The following FAM78B variants were observed in gnomAD, a reference collection of about 807,000 sequenced individuals.
FAM78B encodes protein FAM78B.
FAM78B carries 10 observed loss-of-function variants against 20.0 expected under a neutral mutation model. The ratio of observed to expected loss-of-function variants is 0.50; its 90% CI spans 0.31 to 0.85. FAM78B has a LOEUF of 0.85. Ranked by LOEUF, FAM78B falls within the 40% of genes least tolerant of loss-of-function variation. The pLI, the probability that FAM78B is intolerant of heterozygous loss-of-function variation, is 0.05. For synonymous variants in FAM78B, 135 were observed against 132.8 expected (o/e 1.02, Z -0.12); for missense variants, 283 against 345.0 (o/e 0.82, Z 1.42).
chr1:166,139,672 T>C (rs942961795), intron 1 of FAM78B, among the ~76,000 whole-genome samples: 2 of 152,158 alleles, frequency 1.3e-5, no homozygotes, highest in African/African-American at 4.8e-5. Flanking sequence ...GCACCAACTC[T>C]AACACATAGT....
At chr1:166,085,556 T>A (rs1444926316) in intron 1 of FAM78B, among the ~76,000 whole-genome samples, 1 of 152,200 alleles carries the variant, frequency 6.6e-6, no homozygotes, top group Non-Finnish European at 1.5e-5. Flanking sequence ...AATCAGGAGT[T>A]ACTAGATACT....
At chr1:166,056,297 G>A (rs547125915), downstream of FAM78B, among the ~76,000 whole-genome samples, 109 of 138,458 alleles carry the variant, frequency 7.9e-4, no homozygotes, top group Non-Finnish European at 1.4e-3. Flanking sequence ...GAGAGAGAGA[G>A]AGAATATGAA....
intron 1 of FAM78B, among the ~76,000 whole-genome samples, chr1:166,149,662 G>A (rs1228418140): frequency 6.6e-6 from 1 of 152,172 alleles, no homozygotes; most frequent in African/African-American, 2.4e-5. Context: ...TAACATACAT[G>A]GAAGCATTTT....
At chr1:166,103,416 C>T (rs186410674) in intron 1 of FAM78B, among the ~76,000 whole-genome samples, 2 of 152,198 alleles carry the variant, frequency 1.3e-5, no homozygotes, top group Admixed American at 6.5e-5. Flanking sequence ...AATCCAGGAG[C>T]TGGTTTTTTG....
intron 1 of FAM78B, among the ~76,000 whole-genome samples, chr1:166,130,593 TAC>T (rs1439311820): frequency 6.6e-6 from 1 of 152,042 alleles, no homozygotes; most frequent in Non-Finnish European, 1.5e-5. Flanking sequence ...CATCCTACAA[TAC>T]AGAGGACAGC....
chr1:166,126,035 T>C (rs1326398855), intron 1 of FAM78B, among the ~76,000 whole-genome samples: 2 of 152,080 alleles, frequency 1.3e-5, no homozygotes, highest in Non-Finnish European at 2.9e-5. Context: ...TTTCACCATG[T>C]TGGTTGGCCA....
chr1:166,157,943 G>C (rs1470523182), intron 1 of FAM78B, among the ~76,000 whole-genome samples: 1 of 152,122 alleles, frequency 6.6e-6, no homozygotes, highest in African/African-American at 2.4e-5. Flanking sequence ...TTTACTCCTG[G>C]CCCCTCACAA....
At chr1:166,083,507 GT>G (rs1652663842) in intron 1 of FAM78B, among the ~76,000 whole-genome samples, 1 of 152,296 alleles carries the variant, frequency 6.6e-6, no homozygotes, top group Admixed American at 6.5e-5. Context: ...CACGCTGTAG[GT>G]TTTTCCTTTT....
chr1:166,119,232 CT>C (rs1409918846), intron 1 of FAM78B, among the ~76,000 whole-genome samples: 1 of 152,204 alleles, frequency 6.6e-6, no homozygotes, highest in Non-Finnish European at 1.5e-5. Flanking sequence ...CTTGAAAACC[CT>C]TTTCACAGGT....
chr1:166,064,244 C>T (rs184416331), intron 2 of FAM78B, among the ~76,000 whole-genome samples: 12 of 152,264 alleles, frequency 7.9e-5, no homozygotes, highest in East Asian at 5.8e-4. Context: ...TGCACCCACA[C>T]GGCCAAATCT....
chr1:166,078,784 T>C (rs1652439220), intron 1 of FAM78B, among the ~76,000 whole-genome samples: 1 of 152,158 alleles, frequency 6.6e-6, no homozygotes, highest in South Asian at 2.1e-4. Context: ...TGTCCCCTGA[T>C]GCGGTGTGGG....
intron 1 of FAM78B, among the ~76,000 whole-genome samples, chr1:166,108,655 A>T (rs1653879783): frequency 6.6e-6 from 1 of 152,172 alleles, no homozygotes; most frequent in South Asian, 2.1e-4. Flanking sequence ...AACTAGAAAA[A>T]ACAATCCTAA....
At chr1:166,056,384 T>A (rs1651345492), downstream of FAM78B, among the ~76,000 whole-genome samples, 1 of 152,116 alleles carries the variant, frequency 6.6e-6, no homozygotes, top group African/African-American at 2.4e-5. Flanking sequence ...GTCATATATC[T>A]TGTGGAAAGA....
chr1:166,115,474 CA>C (rs1414052843), intron 1 of FAM78B, among the ~76,000 whole-genome samples: 4 of 152,170 alleles, frequency 2.6e-5, no homozygotes, highest in Non-Finnish European at 5.9e-5. Context: ...GGGGTGAGGT[CA>C]AAGAGGTAGC....
downstream of FAM78B, among the ~76,000 whole-genome samples, chr1:166,067,609 C>T (rs999987621): frequency 7.2e-5 from 11 of 151,946 alleles, no homozygotes; most frequent in African/African-American, 2.7e-4. Flanking sequence ...AATATCCTGA[C>T]TAAGCTGAAA....
At chr1:166,152,214 G>A (rs978476643) in intron 1 of FAM78B, among the ~76,000 whole-genome samples, 1 of 152,176 alleles carries the variant, frequency 6.6e-6, no homozygotes, top group Non-Finnish European at 1.5e-5. Context: ...TCCAGCTGGA[G>A]ATGTTACCCC....
At chr1:166,109,063 A>G (rs191792631) in intron 1 of FAM78B, among the ~76,000 whole-genome samples, 10 of 152,342 alleles carry the variant, frequency 6.6e-5, no homozygotes, top group African/African-American at 2.2e-4. Flanking sequence ...ATTCTAGAAG[A>G]TAACACTGGA....
intron 1 of FAM78B, among the ~76,000 whole-genome samples, chr1:166,109,866 GTGTA>G (rs1319297065): frequency 0.044 from 751 of 17,142 alleles, 139 homozygotes; most frequent in Non-Finnish European, 0.074. Context: ...ATATATGTAT[GTGTA>G]TATATATATA....
At chr1:166,077,563 C>G (rs1652323036) in intron 1 of FAM78B, among the ~76,000 whole-genome samples, 2 of 145,298 alleles carry the variant, frequency 1.4e-5, no homozygotes, top group East Asian at 3.9e-4. Flanking sequence ...ATGTCTCTCT[C>G]TCTATATATA....
Sources: gnomAD v4.1 joint callset for allele counts (sites outside exome capture counted in the v4.1 genomes callset) on GRCh38, gnomAD v4.1.1 for gene constraint, MANE v1.5 for transcripts, NCBI Gene and HGNC (gene_info 2026-07-23, HGNC 2026-07-21) for gene names.